FSTL4: variants seen among roughly 807,000 people sequenced by gnomAD.
FSTL4 encodes the protein follistatin-related protein 4.
FSTL4 carries 28 observed loss-of-function variants against 78.2 expected under a neutral mutation model. That is an observed-to-expected ratio of 0.36 (90% CI 0.27 to 0.49). The LOEUF (loss-of-function observed/expected upper bound fraction) is 0.49, where lower values mean the gene tolerates loss of function less well. FSTL4 is among the 20% of genes least tolerant of loss of function. The probability of loss-of-function intolerance (pLI) is 0.98; values close to 1 mark genes in which losing one functional copy is unlikely to be tolerated. For synonymous variants in FSTL4, 422 were observed against 440.5 expected (o/e 0.96, Z 0.53); for missense variants, 922 against 1,084.9 (o/e 0.85, Z 2.11).
the FSTL4 span, among the ~76,000 whole-genome samples, chr5:133,814,576 G>C: frequency 1.7e-4 from 26 of 152,270 alleles, no homozygotes; most frequent in Non-Finnish European, 3.5e-4. Flanking sequence ...GGAGAGAAAA[G>C]GTTCAGATGA....
chr5:133,358,685 T>C (rs568474156), intron 4 of FSTL4, among the ~76,000 whole-genome samples: 28 of 149,772 alleles, frequency 1.9e-4, no homozygotes, highest in Non-Finnish European at 3.2e-4. Flanking sequence ...CTGCAACCTC[T>C]GCCTCCCGGA....
chr5:133,517,479 CCACACACACACA>C (rs70974086), intron 3 of FSTL4, among the ~76,000 whole-genome samples: 2 of 55,550 alleles, frequency 3.6e-5, no homozygotes, highest in South Asian at 1.5e-3. Flanking sequence ...CACACACACA[CCACACACACACA>C]CACACACACA....
the FSTL4 span, among the ~76,000 whole-genome samples, chr5:133,682,114 C>T: frequency 6.6e-6 from 1 of 152,196 alleles, no homozygotes; most frequent in African/African-American, 2.4e-5. Context: ...GCCCAACTGA[C>T]ATCCTCTGCA....
chr5:133,701,511 C>CACCCCCCA, the FSTL4 span, among the ~76,000 whole-genome samples: 11 of 63,514 alleles, frequency 1.7e-4, no homozygotes, highest in Non-Finnish European at 2.4e-4. Context: ...ACACACACAC[C>CACCCCCCA]CCACAGGCCA....
At chr5:133,715,770 C>T in the FSTL4 span, among the ~76,000 whole-genome samples, 1 of 152,140 alleles carries the variant, frequency 6.6e-6, no homozygotes. Context: ...TCGTGGAATG[C>T]CTTGCGAAAT....
At chr5:133,789,924 G>C in the FSTL4 span, among the ~76,000 whole-genome samples, 1 of 152,164 alleles carries the variant, frequency 6.6e-6, no homozygotes, top group African/African-American at 2.4e-5. Flanking sequence ...TTGAGGACTA[G>C]GGCTTCAATA....
chr5:133,290,123 A>G (rs1196288562), intron 6 of FSTL4, among the ~76,000 whole-genome samples: 2 of 152,326 alleles, frequency 1.3e-5, no homozygotes, highest in Non-Finnish European at 1.5e-5. Flanking sequence ...GTGCAGCACC[A>G]GCAGGGTGTG....
At chr5:133,471,372 C>A (rs1310986205) in intron 3 of FSTL4, among the ~76,000 whole-genome samples, 1 of 152,046 alleles carries the variant, frequency 6.6e-6, no homozygotes, top group Non-Finnish European at 1.5e-5. Flanking sequence ...AATGCTGTGT[C>A]CCCCTCAACT....
intron 3 of FSTL4, among the ~76,000 whole-genome samples, chr5:133,482,217 A>G (rs1255548313): frequency 6.6e-6 from 1 of 152,256 alleles, no homozygotes; most frequent in Non-Finnish European, 1.5e-5. Context: ...AGGAAGCCAG[A>G]CTGCAATGCC....
chr5:133,824,816 C>T, the FSTL4 span, among the ~76,000 whole-genome samples: 1 of 152,126 alleles, frequency 6.6e-6, no homozygotes, highest in Non-Finnish European at 1.5e-5. Flanking sequence ...ATACCATGTC[C>T]AATGGCTGAG....
At chr5:133,390,512 T>C (rs1257503945) in intron 4 of FSTL4, among the ~76,000 whole-genome samples, 1 of 152,258 alleles carries the variant, frequency 6.6e-6, no homozygotes, top group Non-Finnish European at 1.5e-5. Flanking sequence ...CAAGCTCACC[T>C]ACAATCAGGA....
At chr5:133,271,684 T>C (rs1485161343) in intron 6 of FSTL4, among the ~76,000 whole-genome samples, 1 of 152,250 alleles carries the variant, frequency 6.6e-6, no homozygotes, top group African/African-American at 2.4e-5. Flanking sequence ...CTGTTTTTCA[T>C]GTTCCTAATA....
intron 4 of FSTL4, among the ~76,000 whole-genome samples, chr5:133,345,774 G>A (rs1221311314): frequency 3.3e-5 from 5 of 152,188 alleles, no homozygotes; most frequent in Non-Finnish European, 7.3e-5. Context: ...AAATAGGAAC[G>A]TTTTTACACT....
chr5:133,211,920 T>C (rs1051636602), intron 13 of FSTL4, among the ~76,000 whole-genome samples: 2 of 152,202 alleles, frequency 1.3e-5, no homozygotes, highest in Non-Finnish European at 2.9e-5. Context: ...ATATCTCTTC[T>C]CCACTCATCA....
At chr5:133,671,545 T>A in the FSTL4 span, among the ~76,000 whole-genome samples, 2 of 152,242 alleles carry the variant, frequency 1.3e-5, no homozygotes, top group African/African-American at 2.4e-5. Flanking sequence ...AGGCCATTTT[T>A]ACTTTCTGCA....
At chr5:133,699,656 A>C in the FSTL4 span, among the ~76,000 whole-genome samples, 3 of 152,032 alleles carry the variant, frequency 2.0e-5, no homozygotes, top group Admixed American at 6.6e-5. Context: ...CCAAGGCGGG[A>C]GGATCACGAG....
At chr5:133,566,808 A>G (rs1760036088) in intron 3 of FSTL4, among the ~76,000 whole-genome samples, 1 of 152,234 alleles carries the variant, frequency 6.6e-6, no homozygotes, top group Non-Finnish European at 1.5e-5. Context: ...CTCTTCCCAG[A>G]TATTGAAATA....
At chr5:133,758,549 A>G in the FSTL4 span, among the ~76,000 whole-genome samples, 1 of 152,228 alleles carries the variant, frequency 6.6e-6, no homozygotes, top group Admixed American at 6.5e-5. Flanking sequence ...TATAAATTCA[A>G]TGCAGATTTA....
At chr5:133,458,185 C>T (rs1450393653) in intron 3 of FSTL4, 3 of 152,134 alleles carry the variant, frequency 2.0e-5, no homozygotes, top group East Asian at 3.8e-4. Flanking sequence ...TTACACATTC[C>T]GCCCACAGAA....
Sources: allele counts gnomAD v4.1 joint callset (sites outside exome capture counted in the v4.1 genomes callset), GRCh38; gene constraint gnomAD v4.1.1; transcripts MANE v1.5; gene names NCBI Gene and HGNC (gene_info 2026-07-23, HGNC 2026-07-21).